The following TWIST2 variants were observed in gnomAD, a reference collection of about 807,000 sequenced individuals.
The protein encoded by TWIST2 is twist family bHLH transcription factor 2, also known as twist-related protein 2.
Under a neutral mutation model 11.6 loss-of-function variants are expected in TWIST2, and 1 was observed. The observed-to-expected ratio is 0.09, with a 90% confidence interval of 0.03 to 0.41. The LOEUF is 0.41. Ranked by LOEUF, TWIST2 falls within the 10% of genes least tolerant of loss-of-function variation. The probability of loss-of-function intolerance (pLI) is 0.98; values close to 1 mark genes in which losing one functional copy is unlikely to be tolerated. For synonymous variants in TWIST2, 87 were observed against 96.6 expected, an observed-to-expected ratio of 0.90 and a Z score of 0.58; for missense variants, 168 against 226.4, an observed-to-expected ratio of 0.74 and a Z score of 1.66.
rs143494643 is a variant in TWIST2, at chr2:238,859,080, C to T, written c.*35+10347C>T. 7.4e-3 allele frequency among the ~76,000 whole-genome samples: 1,117 copies of T among 151,946 alleles called. 10 individuals carry two copies. The highest frequency in any genetic ancestry group is 0.02 in the Middle Eastern group (6 of 294). On this transcript the variant is annotated intron_variant, in intron 1 of 1. Transcript: ENST00000612363. ...TACAAAAATTAGCCGGGTGTGGTGGCGGGCGCTTATAGTTCCAGCTACTCG... is the reference window on the plus strand; with the variant it reads ...TACAAAAATTAGCCGGGTGTGGTGGTGGGCGCTTATAGTTCCAGCTACTCG...
chr2:238,891,102 G>A lies in TWIST2; in HGVS notation c.*36-18740G>A, dbSNP rs1173203916. Among the ~76,000 whole-genome samples, 3 of 152,184 alleles carry A rather than the reference G, an allele frequency of 2.0e-5. No individual in the cohort carries two copies. In the East Asian group the frequency reaches 5.8e-4, roughly 29 times the overall value. On this transcript the variant is annotated intron_variant, in intron 1 of 1. Transcript: ENST00000612363. ...GACGGAGGACGTCGATTAGATTTGT[G>A]GATCATGACATTCGCAGTCTGATCT...
chr2:238,862,679 A>G (rs1406237143), intron 1 of TWIST2, among the ~76,000 whole-genome samples: 1 of 152,248 alleles, frequency 6.6e-6, no homozygotes, highest in East Asian at 1.9e-4. Context: ...TACCCTTTGC[A>G]TGAACAATTC....
intron 1 of TWIST2, among the ~76,000 whole-genome samples, chr2:238,899,122 G>A: frequency 6.6e-6 from 1 of 152,350 alleles, no homozygotes; most frequent in South Asian, 2.1e-4. Context: ...TCCGGTCCTG[G>A]CCTCGGCCTG....
rs36141670 is a variant in TWIST2, at chr2:238,858,626, G to C, written c.*35+9893G>C. On this transcript the variant is annotated intron_variant, in intron 1 of 1. Coordinates refer to ENST00000612363, the MANE Select transcript of TWIST2 (RefSeq NM_001271893.4). ...AGCCTTGCAGTTTCCCATGTGGTCC[G>C]AGGCAAGTCATGGCCTCTCTGGGCC... Among the ~76,000 whole-genome samples the C allele has an allele frequency of 1.8e-3, 271 of 152,138 alleles. 2 individuals are homozygous for C. The highest frequency in any genetic ancestry group is 2.0e-3 in the Non-Finnish European group (136 of 67,986).
intron 1 of TWIST2, among the ~76,000 whole-genome samples, chr2:238,893,787 A>G (rs1693176712): frequency 6.6e-6 from 1 of 152,164 alleles, no homozygotes. Context: ...GTGGAAGACC[A>G]TTCCCAAGGA....
intron 1 of TWIST2, among the ~76,000 whole-genome samples, chr2:238,895,159 T>C (rs1341299766): frequency 2.0e-5 from 3 of 152,224 alleles, no homozygotes; most frequent in African/African-American, 7.2e-5. Context: ...CAGATAGTCA[T>C]GTGTTCTGTC....
intron 1 of TWIST2, among the ~76,000 whole-genome samples, chr2:238,877,528 C>T (rs1439719850): frequency 6.6e-6 from 1 of 152,076 alleles, no homozygotes; most frequent in African/African-American, 2.4e-5. Context: ...TTACACACAC[C>T]AGCAATAAGC....
chr2:238,877,889 GC>G (rs1360951171), intron 1 of TWIST2, among the ~76,000 whole-genome samples: 2 of 152,190 alleles, frequency 1.3e-5, no homozygotes, highest in Non-Finnish European at 2.9e-5. Context: ...GTTTTGTGCT[GC>G]CAGGGACTGT....
At chr2:238,905,893 G>GCA (rs1693338079) in intron 1 of TWIST2, among the ~76,000 whole-genome samples, 2 of 121,766 alleles carry the variant, frequency 1.6e-5, no homozygotes, top group Non-Finnish European at 3.6e-5. Flanking sequence ...GTGCGCGCAT[G>GCA]CGCGTGTGTG....
rs147118630 is a variant in TWIST2, at chr2:238,871,940, G to T, written c.*35+23207G>T. Among the ~76,000 whole-genome samples the T allele has an allele frequency of 5.4e-3, 824 of 152,312 alleles. 13 individuals are homozygous for T. The highest frequency in any genetic ancestry group is 0.019 in the African/African-American group (787 of 41,560). ...TAGTGGGGACAGAGTCTCAGTCTGA[G>T]AGGAGAAAAAGAGTTCTGGAGATGA... On this transcript the variant is annotated intron_variant, in intron 1 of 1. Transcript: ENST00000612363.
chr2:238,883,160 C>T (rs377345267), intron 1 of TWIST2, among the ~76,000 whole-genome samples: 50 of 152,250 alleles, frequency 3.3e-4, no homozygotes, highest in African/African-American at 1.2e-3. Flanking sequence ...GGGTAGTGCT[C>T]GAAGTTCCTT....
chr2:238,856,120 C>T lies in TWIST2; in HGVS notation c.*35+7387C>T, dbSNP rs550994003. Among the ~76,000 whole-genome samples the T allele has an allele frequency of 2.6e-4, 39 of 152,086 alleles. No individual in the cohort carries two copies. The East Asian group carries it at 3.5e-3, about 14-fold the overall frequency. ...TCCAGGACTGGCGTTTTATGGCCCC[C>T]GAGGTAGGGTCAGGAGAGAGCTTAT... On this transcript the variant is annotated intron_variant, in intron 1 of 1. Coordinates refer to ENST00000612363, the MANE Select transcript of TWIST2 (RefSeq NM_001271893.4).
In TWIST2 at chr2:238,877,616, G is replaced by A. The variant is rs761288488; in HGVS notation, c.*35+28883G>A. Among the ~76,000 whole-genome samples the A allele has an allele frequency of 4.5e-4, 68 of 152,210 alleles. 1 individual carries two copies. Among genetic ancestry groups the A allele is most frequent in the Non-Finnish European group, 8.2e-4 (56 of 68,000 alleles). ...TTATGCTTATGAGATCCTTATATAT[G>A]TTTAGTGAGAAATATGGAGGACTTT... On this transcript the variant is annotated intron_variant, in intron 1 of 1. Coordinates refer to ENST00000612363, the MANE Select transcript of TWIST2 (RefSeq NM_001271893.4).
rs1021054818 is a variant in TWIST2, at chr2:238,895,114, T to C, written c.*36-14728T>C. ...TCGCTGCTGCTGCTGTTGCTGCTGC[T>C]GCCACTGCCGCTGCCACTGAGAAGG... On this transcript the variant is annotated intron_variant, in intron 1 of 1. Transcript: ENST00000612363. Among the ~76,000 whole-genome samples, 1,397 of 152,300 alleles carry C rather than the reference T, an allele frequency of 9.2e-3. 21 individuals carry two copies. Among genetic ancestry groups the C allele is most frequent in the African/African-American group, 0.031 (1,297 of 41,574 alleles).
chr2:238,853,496 C>T (rs983231921), intron 1 of TWIST2, among the ~76,000 whole-genome samples: 3 of 148,194 alleles, frequency 2.0e-5, no homozygotes, highest in African/African-American at 7.5e-5. Context: ...AAACCCTAAG[C>T]CCAGTTATAG....
At position 238,848,737 on chromosome 2, in the gene TWIST2, G is replaced by C; in HGVS notation, c.*35+4G>C. The C allele has an allele frequency of 7.3e-7, 1 of 1,360,936 alleles. No individual in the cohort carries two copies. Among genetic ancestry groups the C allele is most frequent in the East Asian group, 3.0e-5 (1 of 33,446 alleles). 84.3% of individuals were successfully genotyped at this position (1,360,936 alleles called of 1,614,324 possible). A position where few individuals can be genotyped will look rare whatever the true frequency, so the allele number is the denominator to read the frequency against. On this transcript the variant is annotated splice_donor_region_variant and intron_variant, in intron 1 of 1. Transcript: ENST00000612363. The stretch of plus-strand genomic sequence containing the variant: ...ACCTCCGGACCGGCGCGCCAGGGTA[G>C]GTGCTGCGCGCGCGACGGGCGCCCT...
chr2:238,897,581 A>G (rs1416613985), intron 1 of TWIST2, among the ~76,000 whole-genome samples: 1 of 152,202 alleles, frequency 6.6e-6, no homozygotes, highest in Non-Finnish European at 1.5e-5. Context: ...TCAGCTGCTC[A>G]GCCTCCGAGG....
intron 1 of TWIST2, 105 bp downstream of exon 1, chr2:238,848,838 C>T (rs1275901715): frequency 3.2e-6 from 3 of 952,224 alleles, no homozygotes; most frequent in Admixed American, 8.9e-5. Context: ...GCCCCGCGGG[C>T]CGCGGGGGCT....
At chr2:238,885,912 A>G (rs1384915348) in intron 1 of TWIST2, among the ~76,000 whole-genome samples, 3 of 152,000 alleles carry the variant, frequency 2.0e-5, no homozygotes, top group African/African-American at 4.8e-5. Flanking sequence ...CCTAGACAAC[A>G]TGGTGAAAAC....
Sources: allele counts gnomAD v4.1 joint callset (sites outside exome capture counted in the v4.1 genomes callset), GRCh38; gene constraint gnomAD v4.1.1; transcripts MANE v1.5; gene names NCBI Gene and HGNC (gene_info 2026-07-23, HGNC 2026-07-21).